Variants in KCNJ4 observed in about 807,000 individuals in gnomAD.
The protein encoded by KCNJ4 is potassium inwardly rectifying channel subfamily J member 4.
A neutral mutation model predicts 25.6 loss-of-function variants in KCNJ4; 3 were observed. That is an observed-to-expected ratio of 0.12 (90% confidence interval 0.05 to 0.30). The LOEUF (loss-of-function observed/expected upper bound fraction) is 0.30, where lower values mean the gene tolerates loss of function less well. Ranked by LOEUF, KCNJ4 falls within the 10% of genes least tolerant of loss-of-function variation. The probability of loss-of-function intolerance (pLI) is 1.00; values close to 1 mark genes in which losing one functional copy is unlikely to be tolerated. For synonymous variants in KCNJ4, 257 were observed against 283.9 expected (o/e 0.91, Z 0.95); for missense variants, 286 against 666.8 (o/e 0.43, Z 6.29).
chr22:38,452,000 C>A (rs187935004), intron 1 of KCNJ4, among the ~76,000 whole-genome samples: 3 of 152,316 alleles, frequency 2.0e-5, no homozygotes, highest in East Asian at 1.9e-4. Flanking sequence ...GAGTCAGAGG[C>A]CTTATCTCTA....
Position 38,426,947 on chromosome 22 carries a change from C to A in KCNJ4, c.1186G>T (p.Ala396Ser), listed in dbSNP as rs900150387. ...TCCAGGCCCAGGCCTGCGGCCACCGCGGCCGCCGCAGCTGCCTCCTCCTCC... is the reference window on the plus strand; with the variant it reads ...TCCAGGCCCAGGCCTGCGGCCACCGAGGCCGCCGCAGCTGCCTCCTCCTCC... ...EMEEEAAAAA[A>S]VAAGLGLEAG... is the part of the protein sequence containing the mutation. The change falls in exon 2 of 2, where the codon GCG becomes TCG. Residue 396 changes from alanine (A) to serine (S), a missense_variant. Transcript: ENST00000303592. 1 of 1,612,362 alleles carries A rather than the reference C, an allele frequency of 6.2e-7. No homozygotes were observed. The highest frequency in any genetic ancestry group is 8.5e-7 in the Non-Finnish European group (1 of 1,179,776).
At chr22:38,454,033 C>T (rs2089424320) in intron 1 of KCNJ4, among the ~76,000 whole-genome samples, 1 of 152,230 alleles carries the variant, frequency 6.6e-6, no homozygotes, top group Admixed American at 6.5e-5. Flanking sequence ...CCCAAAAGGC[C>T]TGAAGCCATG....
Position 38,427,839 on chromosome 22 carries a change from GC to G in KCNJ4, c.293del (p.Gly98AlafsTer21). On this transcript the variant is annotated frameshift_variant, in exon 2 of 2. Transcript: ENST00000303592. LOFTEE classifies it high-confidence loss of function. ...CTGCTCCGCCACCACCCGCCGCCGGGCCCCCCGCCGCAGGCACCCCTGGGCT... is the reference window on the plus strand; with the variant it reads ...CTGCTCCGCCACCACCCGCCGCCGGGCCCCCGCCGCAGGCACCCCTGGGCT... ...EASPGVPAAG[G>X]PAAGGGGAAP... The G allele has an allele frequency of 6.2e-7, 1 of 1,603,312 alleles. No homozygotes were observed. The highest frequency in any genetic ancestry group is 8.5e-7 in the Non-Finnish European group (1 of 1,176,026).
chr22:38,427,575 C>G lies in KCNJ4; in HGVS notation c.558G>C (p.Leu186=). The G allele has an allele frequency of 6.2e-7, 1 of 1,611,498 alleles. No homozygotes were observed. Residue 186 remains leucine (L), a synonymous_variant, in exon 2 of 2, where the codon CTG becomes CTC. Transcript: ENST00000303592. ...CCGAAATGACCGCGTGGTGGCTGAACAGCAACGTCTGCGCCCGCTTCTTGG... is the reference window on the plus strand; with the variant it reads ...CCGAAATGACCGCGTGGTGGCTGAAGAGCAACGTCTGCGCCCGCTTCTTGG... The part of the protein sequence containing the change: ...ARPKKRAQTL[L]FSHHAVISVR...
chr22:38,447,220 G>A (rs747235509), intron 1 of KCNJ4, among the ~76,000 whole-genome samples: 9 of 152,204 alleles, frequency 5.9e-5, no homozygotes, highest in South Asian at 2.1e-4. Context: ...AGGGCAGGGC[G>A]AAGGAAAGAG....
rs2089431780 is a variant in KCNJ4 at position 38,454,973 on chromosome 22, G to C, written c.-40+7C>G. The C allele has an allele frequency of 6.6e-6, 1 of 151,712 alleles. No individual in the cohort carries two copies. Among genetic ancestry groups the C allele is most frequent in the Non-Finnish European group, 1.5e-5 (1 of 67,874 alleles). 9.4% of individuals were successfully genotyped at this position (151,712 alleles called of 1,614,324 possible). On this transcript the variant is annotated splice_region_variant and intron_variant, in intron 1 of 1. Transcript: ENST00000303592. Reference sequence around the variant, plus strand: ...GACAGCGCCCGGGGTGGGCGAGCGCGGCTTACCGCTGGGCGGAGGGTCCGA... The same window carrying C: ...GACAGCGCCCGGGGTGGGCGAGCGCCGCTTACCGCTGGGCGGAGGGTCCGA...
chr22:38,440,811 C>T (rs1027893654), intron 1 of KCNJ4, among the ~76,000 whole-genome samples: 3 of 152,056 alleles, frequency 2.0e-5, no homozygotes, highest in Non-Finnish European at 2.9e-5. Flanking sequence ...AGGGGGTTGT[C>T]GAGAGTGGCC....
In KCNJ4 at chr22:38,449,819, C is replaced by T. The variant is rs993952442; in HGVS notation, c.-40+5161G>A. Among the ~76,000 whole-genome samples, 1 of 152,258 alleles carries T rather than the reference C, an allele frequency of 6.6e-6. No homozygotes were observed. The highest frequency in any genetic ancestry group is 6.5e-5 in the Admixed American group (1 of 15,292). Reference sequence around the variant, plus strand: ...TGTCCAAAGTCTTCCAGGTTCACGACAGGGACCCCGTGTTGGGCCACGGGG... The same window carrying T: ...TGTCCAAAGTCTTCCAGGTTCACGATAGGGACCCCGTGTTGGGCCACGGGG... On this transcript the variant is annotated intron_variant, in intron 1 of 1. Coordinates refer to ENST00000303592, the MANE Select transcript of KCNJ4 (RefSeq NM_152868.3). This position sits in a 1 kb window ranked among gnomAD's most constrained non-coding sequence, Gnocchi z 5.2.
chr22:38,427,029 G>C lies in KCNJ4; in HGVS notation c.1104C>G (p.Pro368=), dbSNP rs763683811. ...GCTCGTTCTCGTAGCAGAAGGCACTGGGAGGGGGCGGTGGGGCGGGCAGCA... is the reference window on the plus strand; with the variant it reads ...GCTCGTTCTCGTAGCAGAAGGCACTCGGAGGGGGCGGTGGGGCGGGCAGCA... ...ITVLPAPPPP[P]SAFCYENELA... The change falls in exon 2 of 2, where the codon CCC becomes CCG. Residue 368 remains proline, a synonymous_variant. Transcript: ENST00000303592. 8 of 1,612,622 alleles carry C rather than the reference G, an allele frequency of 5.0e-6. No individual in the cohort carries two copies. The Admixed American group carries it at 8.3e-5, about 17-fold the overall frequency.
At chr22:38,446,954 C>CAAAAAAAAAAAAAAAA (rs11294836) in intron 1 of KCNJ4, among the ~76,000 whole-genome samples, 15 of 133,896 alleles carry the variant, frequency 1.1e-4, no homozygotes, top group African/African-American at 3.3e-4. Context: ...GACTCCATCT[C>CAAAAAAAAAAAAAAAA]AAAAAAAAAA....
At chr22:38,453,298 G>A (rs189363058) in intron 1 of KCNJ4, among the ~76,000 whole-genome samples, 1 of 152,150 alleles carries the variant, frequency 6.6e-6, no homozygotes, top group East Asian at 1.9e-4. Context: ...AGAAACTGAG[G>A]TTCAGAGAGG....
chr22:38,453,279 T>C (rs2089420693), intron 1 of KCNJ4, among the ~76,000 whole-genome samples: 1 of 151,966 alleles, frequency 6.6e-6, no homozygotes, highest in South Asian at 2.1e-4. Context: ...ATACCTATTC[T>C]CCAGTTGAAG....
intron 1 of KCNJ4, among the ~76,000 whole-genome samples, chr22:38,431,995 C>T (rs1225686227): frequency 6.6e-6 from 1 of 151,792 alleles, no homozygotes; most frequent in Non-Finnish European, 1.5e-5. Context: ...GTGACTCACG[C>T]CTGTAATCCC....
chr22:38,450,184 C>T (rs1321371412), intron 1 of KCNJ4, among the ~76,000 whole-genome samples: 1 of 152,200 alleles, frequency 6.6e-6, no homozygotes, highest in Non-Finnish European at 1.5e-5. Context: ...ATCCCCCACA[C>T]CCCAAGGAGG....
chr22:38,435,432 C>T (rs1206333422), intron 1 of KCNJ4, among the ~76,000 whole-genome samples: 1 of 152,164 alleles, frequency 6.6e-6, no homozygotes, highest in African/African-American at 2.4e-5. Context: ...GTGGCTCACA[C>T]CTGTAATCTT....
At chr22:38,454,138 CCTG>C (rs1317581629) in intron 1 of KCNJ4, among the ~76,000 whole-genome samples, 1 of 152,150 alleles carries the variant, frequency 6.6e-6, no homozygotes, top group East Asian at 1.9e-4. Context: ...TTCCCCCAAA[CCTG>C]CTGCTGAACA....
At position 38,427,389 on chromosome 22, in the gene KCNJ4, G is replaced by GTGTC; in HGVS notation, c.743_744insGACA (p.Ile248MetfsTer39). The GTGTC allele has an allele frequency of 6.2e-7, 1 of 1,614,088 alleles. No individual in the cohort carries two copies. Among genetic ancestry groups the GTGTC allele is most frequent in the Non-Finnish European group, 8.5e-7 (1 of 1,180,032 alleles). On this transcript the variant is annotated frameshift_variant, in exon 2 of 2. Coordinates refer to ENST00000303592, the MANE Select transcript of KCNJ4 (RefSeq NM_152868.3). LOFTEE classifies it high-confidence loss of function. ...ACACCAGGAAGATGCGGTCCAGGCC[G>GTGTC]ATGTCATAGCCCACGTTGAGGTCCC...
intron 1 of KCNJ4, among the ~76,000 whole-genome samples, chr22:38,433,061 G>C (rs898806168): frequency 1.3e-5 from 2 of 152,210 alleles, no homozygotes; most frequent in South Asian, 4.1e-4. Context: ...CATAGGAGAT[G>C]CTGACTGCTT....
chr22:38,450,311 AC>A (rs1483974884), intron 1 of KCNJ4, among the ~76,000 whole-genome samples: 1 of 152,028 alleles, frequency 6.6e-6, no homozygotes, highest in African/African-American at 2.4e-5. Context: ...CAGCAGCCCA[AC>A]CACAGCTACT....
Sources: allele counts gnomAD v4.1 joint callset (sites outside exome capture counted in the v4.1 genomes callset), GRCh38; gene constraint gnomAD v4.1.1; non-coding constraint Gnocchi (gnomAD v3.1); transcripts MANE v1.5; gene names NCBI Gene and HGNC (gene_info 2026-07-23, HGNC 2026-07-21).